Variants in FMN2 observed in about 807,000 individuals in gnomAD.
FMN2 encodes the protein formin-2.
A neutral mutation model predicts 142.3 loss-of-function variants in FMN2; 51 were observed. The ratio of observed to expected loss-of-function variants is 0.36; its 90% CI spans 0.29 to 0.45. The LOEUF (loss-of-function observed/expected upper bound fraction) is 0.45, where lower values mean the gene tolerates loss of function less well. FMN2 is among the 20% of genes least tolerant of loss of function. The probability of loss-of-function intolerance (pLI) is 1.00; values close to 1 mark genes in which losing one functional copy is unlikely to be tolerated. For missense variants in FMN2, 1,936 were observed against 2,122.8 expected (o/e 0.91, Z 1.73); for synonymous variants, 882 against 869.8 (o/e 1.01, Z -0.25).
chr1:240,140,506 C>A (rs1663134560), intron 2 of FMN2, among the ~76,000 whole-genome samples: 1 of 152,202 alleles, frequency 6.6e-6, no homozygotes. Flanking sequence ...GGTTGGAACA[C>A]AAAACTGTTT....
At position 240,242,820 on chromosome 1, in the gene FMN2, T is replaced by TCTAG. The variant is rs549762214; in HGVS notation, c.4066-15124_4066-15121dup. ...CTGGGACCAAGTTCAGAAGCAGGCT[T>TCTAG]CTAGATTCTTAATCAGTGAGAGGTG... On this transcript the variant is annotated intron_variant, in intron 6 of 17. Transcript: ENST00000319653. 3.1e-3 allele frequency among the ~76,000 whole-genome samples: 472 copies of TCTAG among 152,302 alleles called. 2 individuals carry two copies. The highest frequency in any genetic ancestry group is 0.011 in the African/African-American group (460 of 41,566).
At chr1:240,401,185 T>C (rs1427864406) in intron 15 of FMN2, 1 of 151,756 alleles carries the variant, frequency 6.6e-6, no homozygotes. Flanking sequence ...CTGTATTTTA[T>C]CTCTAAATAT....
At chr1:240,252,478 C>G (rs10926180) in intron 6 of FMN2, among the ~76,000 whole-genome samples, 54,911 of 151,200 alleles carry the variant, frequency 0.36, 10,416 homozygotes, top group East Asian at 0.55. Flanking sequence ...TTTTGCTTGT[C>G]TAGGAAAGAC....
intron 7 of FMN2, among the ~76,000 whole-genome samples, chr1:240,283,347 A>G (rs1269392903): frequency 6.6e-6 from 1 of 152,112 alleles, no homozygotes; most frequent in Non-Finnish European, 1.5e-5. Flanking sequence ...CCTCATTACT[A>G]TTTAGAGGCT....
intron 6 of FMN2, among the ~76,000 whole-genome samples, chr1:240,246,931 A>G (rs1668101129): frequency 6.6e-6 from 1 of 151,902 alleles, no homozygotes; most frequent in Non-Finnish European, 1.5e-5. Flanking sequence ...AGAAGAGTGT[A>G]CTCTCCTCTT....
At chr1:240,225,412 G>C (rs1667264754) in intron 6 of FMN2, among the ~76,000 whole-genome samples, 1 of 152,200 alleles carries the variant, frequency 6.6e-6, no homozygotes, top group Admixed American at 6.5e-5. Context: ...TGCCCATTCA[G>C]GGGTGACCCA....
At chr1:240,205,685 T>C (rs2103382437) in intron 4 of FMN2, among the ~76,000 whole-genome samples, 1 of 151,976 alleles carries the variant, frequency 6.6e-6, no homozygotes, top group Admixed American at 6.6e-5. Flanking sequence ...ATTGCCTCGA[T>C]CTCCTGACCT....
At chr1:240,117,140 C>T (rs1212375923) in intron 1 of FMN2, among the ~76,000 whole-genome samples, 1 of 152,160 alleles carries the variant, frequency 6.6e-6, no homozygotes, top group Non-Finnish European at 1.5e-5. Flanking sequence ...TTGTTTGTCA[C>T]AGGGCCTCTT....
chr1:240,355,183 C>G (rs1558449078), intron 13 of FMN2, among the ~76,000 whole-genome samples: 1 of 148,986 alleles, frequency 6.7e-6, no homozygotes. Context: ...ACTTCCTCAG[C>G]TATAAAAGGA....
rs367905492 is a variant in FMN2, at chr1:240,326,361, T to C, written c.4216-2715T>C. Among the ~76,000 whole-genome samples the C allele has an allele frequency of 2.0e-5, 3 of 152,200 alleles. No homozygotes were observed. The East Asian group carries it at 5.8e-4, about 29-fold the overall frequency. ...AAATGGTCTAATAGAGTACAAGGTATAAAGGACTGTGCAATTAGTAATTCA... is the reference window on the plus strand; with the variant it reads ...AAATGGTCTAATAGAGTACAAGGTACAAAGGACTGTGCAATTAGTAATTCA... On this transcript the variant is annotated intron_variant, in intron 8 of 17. Transcript: ENST00000319653.
At chr1:240,270,559 T>C (rs1668966292) in intron 7 of FMN2, among the ~76,000 whole-genome samples, 1 of 152,074 alleles carries the variant, frequency 6.6e-6, no homozygotes, top group African/African-American at 2.4e-5. Context: ...CTAATTGTAT[T>C]ATTATTCACA....
intron 16 of FMN2, chr1:240,458,451 C>G (rs896056052): frequency 1.3e-5 from 2 of 152,108 alleles, no homozygotes; most frequent in African/African-American, 4.8e-5. Flanking sequence ...TTCTCCCGCC[C>G]CATAGCCTGA....
intron 16 of FMN2, chr1:240,459,550 C>G (rs770261091): frequency 6.6e-6 from 1 of 151,680 alleles, no homozygotes. Context: ...AAACCCCATC[C>G]TACTAAAAAT....
At chr1:240,419,140 G>C (rs1674680562) in intron 15 of FMN2, among the ~76,000 whole-genome samples, 1 of 152,034 alleles carries the variant, frequency 6.6e-6, no homozygotes, top group Non-Finnish European at 1.5e-5. Context: ...TAAATAAAAA[G>C]ACTTACAGGC....
At chr1:240,206,553 C>T (rs1397079095) in intron 4 of FMN2, among the ~76,000 whole-genome samples, 2 of 152,084 alleles carry the variant, frequency 1.3e-5, no homozygotes, top group East Asian at 3.9e-4. Flanking sequence ...GTCTATTTGT[C>T]CTCAATGGTA....
intron 6 of FMN2, among the ~76,000 whole-genome samples, chr1:240,218,650 C>G (rs369985575): frequency 6.6e-6 from 1 of 152,158 alleles, no homozygotes; most frequent in Non-Finnish European, 1.5e-5. Context: ...GCCACTATTG[C>G]GGAGAGCCCT....
At chr1:240,424,751 C>T (rs1451297024) in intron 15 of FMN2, among the ~76,000 whole-genome samples, 2 of 152,058 alleles carry the variant, frequency 1.3e-5, no homozygotes, top group African/African-American at 2.4e-5. Flanking sequence ...AAAGTTATGT[C>T]GACAAAGCTC....
chr1:240,213,502 AAAAT>A (rs1415660796), intron 6 of FMN2, among the ~76,000 whole-genome samples: 14 of 152,230 alleles, frequency 9.2e-5, no homozygotes, highest in Non-Finnish European at 1.9e-4. Context: ...ATTTGGAAGA[AAAAT>A]CTGTCCATTC....
chr1:240,321,264 C>T (rs564868747), intron 8 of FMN2, among the ~76,000 whole-genome samples: 4 of 151,836 alleles, frequency 2.6e-5, no homozygotes, highest in East Asian at 1.9e-4. Flanking sequence ...AAGCCAGTTA[C>T]GTCAAGGAAA....
Sources: gnomAD v4.1 joint callset for allele counts (sites outside exome capture counted in the v4.1 genomes callset) on GRCh38, gnomAD v4.1.1 for gene constraint, MANE v1.5 for transcripts, NCBI Gene and HGNC (gene_info 2026-07-23, HGNC 2026-07-21) for gene names.